Variants in PPP1R12A observed in about 807,000 individuals in gnomAD.
PPP1R12A encodes the protein protein phosphatase 1 regulatory subunit 12A.
A neutral mutation model predicts 139.6 loss-of-function variants in PPP1R12A; 19 were observed. The ratio of observed to expected loss-of-function variants is 0.14; its 90% confidence interval spans 0.09 to 0.20. PPP1R12A has a LOEUF of 0.20. Ranked by LOEUF, PPP1R12A falls within the 10% of genes least tolerant of loss-of-function variation. The probability of loss-of-function intolerance (pLI) is 1.00; values close to 1 mark genes in which losing one functional copy is unlikely to be tolerated. For synonymous variants in PPP1R12A, 427 were observed against 420.6 expected (o/e 1.02, Z -0.19); for missense variants, 925 against 1,211.5 (o/e 0.76, Z 3.51).
chr12:79,912,282 A>G (rs905226735), intron 1 of PPP1R12A, among the ~76,000 whole-genome samples: 2 of 152,238 alleles, frequency 1.3e-5, no homozygotes, highest in Admixed American at 1.3e-4. Flanking sequence ...CAAAATACTT[A>G]ATACAACTTG....
chr12:79,885,159 A>T (rs934629337), intron 1 of PPP1R12A, among the ~76,000 whole-genome samples: 1 of 152,162 alleles, frequency 6.6e-6, no homozygotes, highest in African/African-American at 2.4e-5. Flanking sequence ...CTCTAGAGCC[A>T]GACTGTCTGG....
chr12:79,828,423 T>C lies in PPP1R12A; in HGVS notation c.689A>G (p.Tyr230Cys), dbSNP rs1344999292. ...AGCATGAAGAGGTGTCCAGCCATCATAGTCTTTAATATTAACATCATAGCC... is the reference window on the plus strand; with the variant it reads ...AGCATGAAGAGGTGTCCAGCCATCACAGTCTTTAATATTAACATCATAGCC... ...QAGYDVNIKD[Y>C]DGWTPLHAAA... is the part of the protein sequence containing the mutation. The change falls in exon 5 of 25, where the codon TAT becomes TGT. Residue 230 changes from tyrosine (Y) to cysteine (C), a missense_variant. Physicochemically the swap from Tyr to Cys is radical, Grantham distance 194. This residue lies in a region of PPP1R12A where 199 missense variants were observed against 352.4 expected (regional missense o/e 0.56). Coordinates refer to ENST00000450142, the MANE Select transcript of PPP1R12A (RefSeq NM_002480.3). 12 of 1,610,514 alleles carry C rather than the reference T, an allele frequency of 7.5e-6. No individual in the cohort carries two copies. The highest frequency in any genetic ancestry group is 1.7e-5 in the Admixed American group (1 of 59,860).
chr12:79,794,041 T>C (rs536049975), intron 18 of PPP1R12A, 113 bp from the exon 19 acceptor site: 35 of 720,050 alleles, frequency 4.9e-5, no homozygotes, highest in Non-Finnish European at 5.0e-5. Context: ...ATTGAGACAT[T>C]TGTAGATAGA....
At chr12:79,895,893 G>GT (rs1204987753) in intron 1 of PPP1R12A, among the ~76,000 whole-genome samples, 1 of 152,166 alleles carries the variant, frequency 6.6e-6, no homozygotes, top group Non-Finnish European at 1.5e-5. Context: ...AGCAAATGCT[G>GT]TATTTTGTAG....
At chr12:79,876,774 G>A (rs750830738) in intron 1 of PPP1R12A, among the ~76,000 whole-genome samples, 3 of 152,158 alleles carry the variant, frequency 2.0e-5, no homozygotes, top group African/African-American at 7.2e-5. Context: ...TAAAGCGGGA[G>A]GCTGAGGCAG....
At chr12:79,912,102 A>G (rs1371023659) in intron 1 of PPP1R12A, among the ~76,000 whole-genome samples, 2 of 152,114 alleles carry the variant, frequency 1.3e-5, no homozygotes, top group South Asian at 2.1e-4. Context: ...TCTGACCAGA[A>G]CCTATTTCTC....
chr12:79,850,987 C>G (rs1879977357), intron 2 of PPP1R12A, among the ~76,000 whole-genome samples: 1 of 152,156 alleles, frequency 6.6e-6, no homozygotes, highest in Non-Finnish European at 1.5e-5. Context: ...ATAAATTACC[C>G]TGTCTCAGGT....
intron 11 of PPP1R12A, 65 bp from the exon 12 acceptor site, chr12:79,807,395 A>G (rs1873961642): frequency 4.1e-6 from 4 of 979,106 alleles, no homozygotes; most frequent in East Asian, 5.3e-5. Context: ...AAAGCGGTAC[A>G]CTAGTAAATA....
chr12:79,851,229 A>G (rs1880003524), intron 2 of PPP1R12A, among the ~76,000 whole-genome samples: 1 of 152,218 alleles, frequency 6.6e-6, no homozygotes, highest in Non-Finnish European at 1.5e-5. Flanking sequence ...ACATTACACT[A>G]TTCAGAAATA....
At chr12:79,809,544 T>C (rs1180058230) in intron 10 of PPP1R12A, among the ~76,000 whole-genome samples, 3 of 152,198 alleles carry the variant, frequency 2.0e-5, no homozygotes, top group Non-Finnish European at 2.9e-5. Flanking sequence ...AGTTCTATTA[T>C]AAATTCTCAA....
intron 2 of PPP1R12A, among the ~76,000 whole-genome samples, chr12:79,871,939 T>C (rs1053225620): frequency 1.3e-5 from 2 of 152,192 alleles, no homozygotes; most frequent in Non-Finnish European, 2.9e-5. Flanking sequence ...GTATAGTTAG[T>C]GGCAGAGTCA....
intron 19 of PPP1R12A, among the ~76,000 whole-genome samples, chr12:79,793,124 T>C (rs1454218093): frequency 5.9e-5 from 9 of 152,218 alleles, no homozygotes; most frequent in Admixed American, 5.9e-4. Context: ...TATTTCATGC[T>C]AGACAGTGCC....
chr12:79,814,708 G>C (rs1462535845), intron 9 of PPP1R12A, among the ~76,000 whole-genome samples: 31 of 149,246 alleles, frequency 2.1e-4, no homozygotes, highest in African/African-American at 7.4e-4. Flanking sequence ...TCAGCTACTC[G>C]GGAGGCTGAG....
chr12:79,866,345 T>C (rs531877979), intron 2 of PPP1R12A, among the ~76,000 whole-genome samples: 1 of 152,130 alleles, frequency 6.6e-6, no homozygotes, highest in African/African-American at 2.4e-5. Context: ...GACTTAAACG[T>C]AAGACCTAAA....
chr12:79,842,730 G>A (rs1255049031), intron 3 of PPP1R12A, among the ~76,000 whole-genome samples: 1 of 151,626 alleles, frequency 6.6e-6, no homozygotes, highest in African/African-American at 2.4e-5. Flanking sequence ...TTTTCAGAAA[G>A]GGTCTCACTC....
At chr12:79,800,644 T>C (rs1873005426) in intron 14 of PPP1R12A, among the ~76,000 whole-genome samples, 1 of 152,030 alleles carries the variant, frequency 6.6e-6, no homozygotes, top group Non-Finnish European at 1.5e-5. Flanking sequence ...CTATCTTCTA[T>C]GCTGTTTAAA....
chr12:79,797,503 G>T, intron 15 of PPP1R12A, 108 bp from the exon 16 acceptor site: 1 of 1,085,266 alleles, frequency 9.2e-7, no homozygotes, highest in Non-Finnish European at 1.3e-6. Context: ...AGTCAAATAT[G>T]CATGTTTAAA....
At chr12:79,914,831 T>C (rs1373012825) in intron 1 of PPP1R12A, among the ~76,000 whole-genome samples, 1 of 151,722 alleles carries the variant, frequency 6.6e-6, no homozygotes. Context: ...CTTTTTAAAC[T>C]GGGAAAACAA....
At chr12:79,808,654 G>T in intron 10 of PPP1R12A, 77 bp from the exon 11 acceptor site, 1 of 747,728 alleles carries the variant, frequency 1.3e-6, no homozygotes, top group South Asian at 2.0e-5. Flanking sequence ...ATTAAGAAAA[G>T]GTTATTCAAT....
Sources: gnomAD v4.1 joint callset for allele counts (sites outside exome capture counted in the v4.1 genomes callset) on GRCh38, gnomAD v4.1.1 for gene constraint, gnomAD v4.1.1 regional missense constraint, MANE v1.5 for transcripts, NCBI Gene and HGNC (gene_info 2026-07-23, HGNC 2026-07-21) for gene names.